EPAS1: variants seen among roughly 807,000 people sequenced by gnomAD.
EPAS1 encodes endothelial PAS domain-containing protein 1.
A neutral mutation model predicts 87.9 loss-of-function variants in EPAS1; 23 were observed. The observed-to-expected ratio is 0.26, with a 90% CI of 0.19 to 0.37. The LOEUF (loss-of-function observed/expected upper bound fraction) is 0.37. EPAS1 is among the 10% of genes least tolerant of loss of function. The probability of loss-of-function intolerance (pLI) is 1.00; values close to 1 mark genes in which losing one functional copy is unlikely to be tolerated. For missense variants in EPAS1, 1,138 were observed against 1,120.7 expected (o/e 1.02, Z -0.22); for synonymous variants, 508 against 444.3 (o/e 1.14, Z -1.80).
chr2:46,365,401 A>C (rs1684479620), intron 6 of EPAS1, among the ~76,000 whole-genome samples: 1 of 152,276 alleles, frequency 6.6e-6, no homozygotes, highest in African/African-American at 2.4e-5. Context: ...AGATGCCTAC[A>C]TTCCAAGTTC....
intron 1 of EPAS1, among the ~76,000 whole-genome samples, chr2:46,309,948 C>G (rs891987867): frequency 1.3e-5 from 2 of 152,224 alleles, no homozygotes; most frequent in South Asian, 2.1e-4. Flanking sequence ...GTGTGAGCAT[C>G]AAGTGGGTGG....
intron 6 of EPAS1, among the ~76,000 whole-genome samples, chr2:46,367,443 A>G (rs935430337): frequency 6.6e-6 from 1 of 152,244 alleles, no homozygotes; most frequent in South Asian, 2.1e-4. Context: ...ATGCAGTTCT[A>G]GTTCCCAGGC....
intron 1 of EPAS1, among the ~76,000 whole-genome samples, chr2:46,309,364 A>G (rs990074772): frequency 3.9e-5 from 6 of 152,246 alleles, no homozygotes; most frequent in Admixed American, 6.5e-5. Context: ...TTTAAGCAAT[A>G]TAAGATGATT....
In EPAS1 at chr2:46,297,772, G is replaced by T; in HGVS notation, c.-140G>T. ...CGCGCGCCACCTTCCACCTGACTGC[G>T]CGGGGCGCTCGGGACCTGCGCGCAC... is the stretch of plus-strand genomic sequence containing the variant. On this transcript the variant is annotated 5_prime_UTR_variant, in exon 1 of 16. Coordinates refer to ENST00000263734, the MANE Select transcript of EPAS1 (RefSeq NM_001430.5). The T allele has an allele frequency of 8.4e-7, 1 of 1,186,786 alleles. No homozygotes were observed. Among genetic ancestry groups the T allele is most frequent in the Non-Finnish European group, 1.2e-6 (1 of 829,602 alleles). 73.5% of individuals were successfully genotyped at this position (1,186,786 alleles called of 1,614,324 possible). A position where few individuals can be genotyped will look rare whatever the true frequency, so the allele number is the denominator to read the frequency against.
At chr2:46,356,015 G>C (rs1197360110) in intron 2 of EPAS1, 136 bp from the exon 3 acceptor site, 2 of 922,166 alleles carry the variant, frequency 2.2e-6, no homozygotes. Flanking sequence ...CAGACATTCA[G>C]ATGGTTGGCA....
Position 46,300,224 on chromosome 2 carries a change from G to C in EPAS1, c.26+2287G>C, listed in dbSNP as rs1174715778. ...TGAAAGTTGGTGTTGTCATGTAAGT[G>C]ACTGCTGTAGCTTTTCTGAGTGCCT... On this transcript the variant is annotated intron_variant, in intron 1 of 15. Coordinates refer to ENST00000263734, the MANE Select transcript of EPAS1 (RefSeq NM_001430.5). This position sits in a 1 kb window ranked among gnomAD's most constrained non-coding sequence, Gnocchi z 4.1. Among the ~76,000 whole-genome samples, 2 of 152,226 alleles carry C rather than the reference G, an allele frequency of 1.3e-5. No homozygotes were observed. The highest frequency in any genetic ancestry group is 3.8e-4 in the East Asian group (2 of 5,204).
At chr2:46,358,816 T>G (rs1684324690) in intron 4 of EPAS1, among the ~76,000 whole-genome samples, 1 of 152,158 alleles carries the variant, frequency 6.6e-6, no homozygotes, top group African/African-American at 2.4e-5. Flanking sequence ...AGGGTTAGTG[T>G]GAGTTCCTAG....
At chr2:46,368,801 C>G (rs1352290599) in intron 6 of EPAS1, among the ~76,000 whole-genome samples, 1 of 152,076 alleles carries the variant, frequency 6.6e-6, no homozygotes, top group Admixed American at 6.6e-5. Context: ...GACAGTGAAG[C>G]CATTATTTAA....
intron 14 of EPAS1, 61 bp downstream of exon 14, chr2:46,382,150 G>C: frequency 6.7e-7 from 1 of 1,499,532 alleles, no homozygotes; most frequent in Non-Finnish European, 9.2e-7. Flanking sequence ...TGGGGCTCGG[G>C]AGCCCATCCT....
chr2:46,382,708 G>A, intron 15 of EPAS1, 110 bp downstream of exon 15: 1 of 1,427,980 alleles, frequency 7.0e-7, no homozygotes, highest in East Asian at 2.5e-5. Context: ...GGAGGTGCTT[G>A]ACTTGAAGTC....
intron 1 of EPAS1, among the ~76,000 whole-genome samples, chr2:46,341,320 T>C (rs561370790): frequency 6.6e-6 from 1 of 152,284 alleles, no homozygotes; most frequent in South Asian, 2.1e-4. Flanking sequence ...AACTGGATAA[T>C]ATTGTTTGGG....
At chr2:46,363,207 T>C (rs1684437804) in intron 6 of EPAS1, among the ~76,000 whole-genome samples, 1 of 152,184 alleles carries the variant, frequency 6.6e-6, no homozygotes, top group South Asian at 2.1e-4. Context: ...GCATAGCCCC[T>C]GTGTCACTGG....
At chr2:46,313,479 G>C (rs1683252438) in intron 1 of EPAS1, among the ~76,000 whole-genome samples, 1 of 148,918 alleles carries the variant, frequency 6.7e-6, no homozygotes, top group Non-Finnish European at 1.5e-5. Context: ...TTGAGACAGT[G>C]TCTCACTCTG....
intron 2 of EPAS1, among the ~76,000 whole-genome samples, chr2:46,351,083 A>G (rs1282490745): frequency 6.6e-6 from 1 of 151,974 alleles, no homozygotes; most frequent in Non-Finnish European, 1.5e-5. Flanking sequence ...TTTCACTCCT[A>G]CCTCCACCCC....
At chr2:46,367,271 T>C (rs368703674) in intron 6 of EPAS1, among the ~76,000 whole-genome samples, 1 of 152,230 alleles carries the variant, frequency 6.6e-6, no homozygotes, top group East Asian at 1.9e-4. Context: ...CGAAAGGAAA[T>C]TTAATTCCTT....
At chr2:46,334,385 C>T (rs1683747245) in intron 1 of EPAS1, among the ~76,000 whole-genome samples, 1 of 152,218 alleles carries the variant, frequency 6.6e-6, no homozygotes, top group South Asian at 2.1e-4. Context: ...CAATGCCTTG[C>T]TCCCTGTTCT....
intron 10 of EPAS1, 24 bp from the exon 11 acceptor site, chr2:46,378,633 G>C (rs1684812097): frequency 3.1e-6 from 5 of 1,601,064 alleles, no homozygotes; most frequent in Admixed American, 3.3e-5. Context: ...CTTTGACTCT[G>C]TCCCCCTCCT....
chr2:46,379,964 G>T (rs1370327714), intron 11 of EPAS1: 3 of 571,008 alleles, frequency 5.3e-6, no homozygotes, highest in Non-Finnish European at 9.5e-6. Context: ...GGACAGGTGG[G>T]ATGGGGAGAG....
chr2:46,313,140 T>C lies in EPAS1; in HGVS notation c.26+15203T>C, dbSNP rs542055703. 9.3e-4 allele frequency among the ~76,000 whole-genome samples: 141 copies of C among 152,316 alleles called. 1 individual carries two copies. The highest frequency in any genetic ancestry group is 1.6e-3 in the Non-Finnish European group (110 of 68,030). ...CCTAAAAGATACCTTGTCCTTCCGG[T>C]GTTACTAGAAGTGGGAAAAAGGCTT... On this transcript the variant is annotated intron_variant, in intron 1 of 15. Coordinates refer to ENST00000263734, the MANE Select transcript of EPAS1 (RefSeq NM_001430.5).
Sources: gnomAD v4.1 joint callset for allele counts (sites outside exome capture counted in the v4.1 genomes callset) on GRCh38, gnomAD v4.1.1 for gene constraint, Gnocchi (gnomAD v3.1) non-coding constraint, MANE v1.5 for transcripts, NCBI Gene and HGNC (gene_info 2026-07-23, HGNC 2026-07-21) for gene names.